The following GP6 variants were observed in gnomAD, a reference collection of about 807,000 sequenced individuals.
GP6 encodes platelet glycoprotein VI.
In GP6, 45 loss-of-function variants were observed where a neutral mutation model predicts 37.3. The ratio of observed to expected loss-of-function variants is 1.21; its 90% confidence interval spans 0.95 to 1.55. The LOEUF (loss-of-function observed/expected upper bound fraction) is 1.55, where lower values mean the gene tolerates loss of function less well. Ranked by LOEUF, GP6 falls within the 40% of genes most tolerant of loss-of-function variation. The pLI is 0.00. For missense variants in GP6, 813 were observed against 760.2 expected, an observed-to-expected ratio of 1.07 and a Z score of -0.82; for synonymous variants, 340 against 316.4, an observed-to-expected ratio of 1.07 and a Z score of -0.79.
At chr19:55,034,031 A>G (rs2074714145) in intron 1 of GP6, among the ~76,000 whole-genome samples, 1 of 152,060 alleles carries the variant, frequency 6.6e-6, no homozygotes, top group Non-Finnish European at 1.5e-5. Flanking sequence ...TCTGATTACT[A>G]TATGTATATA....
chr19:55,029,993 C>T (rs1203184632), intron 3 of GP6, among the ~76,000 whole-genome samples: 1 of 152,010 alleles, frequency 6.6e-6, no homozygotes, highest in Non-Finnish European at 1.5e-5. Flanking sequence ...GAGGCACTCT[C>T]CTGGGATGTA....
intron 6 of GP6, among the ~76,000 whole-genome samples, chr19:55,017,011 G>A (rs2146712607): frequency 6.6e-6 from 1 of 152,164 alleles, no homozygotes; most frequent in East Asian, 1.9e-4. Context: ...ATCACAGAGT[G>A]AGCAGAGTGA....
Position 55,014,092 on chromosome 19 carries a change from G to T in GP6, c.1853C>A (p.Thr618Asn). 1.5e-6 allele frequency: 1 copy of T among 660,772 alleles called. No homozygotes were observed. Among genetic ancestry groups the T allele is most frequent in the Non-Finnish European group, 2.8e-6 (1 of 358,602 alleles). The allele number at this position is 660,772 out of a possible 1,614,324, so 40.9% of individuals were successfully genotyped here. A position where few individuals can be genotyped will look rare whatever the true frequency, so the allele number is the denominator to read the frequency against. The change falls in exon 8 of 8, where the codon ACC becomes AAC. Residue 618 changes from threonine (T) to asparagine (N), a missense_variant. Thr to Asn is a moderately conservative substitution (Grantham distance 65). Coordinates refer to ENST00000310373, the MANE Select transcript of GP6 (RefSeq NM_001083899.2). ...TACAACGTGCTATGATCAAATCAGG[G>T]TAATTGACATATTCATCCCTGTATT... is the stretch of plus-strand genomic sequence containing the variant.
chr19:55,016,882 C>G (rs1355146246), intron 6 of GP6, among the ~76,000 whole-genome samples: 3 of 151,656 alleles, frequency 2.0e-5, no homozygotes, highest in Non-Finnish European at 4.4e-5. Context: ...ATGGTGAAAC[C>G]CCGTCTTTAC....
chr19:55,025,188 G>A, intron 5 of GP6, 30 bp downstream of exon 5: 1 of 1,310,402 alleles, frequency 7.6e-7, no homozygotes, highest in Non-Finnish European at 1.1e-6. Flanking sequence ...CTCATACGCT[G>A]TGCACCAGAA....
chr19:55,033,288 A>G (rs866794159), intron 1 of GP6, among the ~76,000 whole-genome samples: 10 of 34,134 alleles, frequency 2.9e-4, no homozygotes, highest in South Asian at 9.7e-4. Context: ...CGTGTTAGAC[A>G]CGGTGGACTC....
In GP6 at chr19:55,021,520, G is replaced by GGTTT. The variant is rs556854980; in HGVS notation, c.665-2810_665-2809insAAAC. The stretch of plus-strand genomic sequence containing the variant: ...ACCTGTTGTTTCTTGACTTTTGTTG[G>GGTTT]TTTTTTTTTTTTTTTTTTGAGATGG... On this transcript the variant is annotated intron_variant, in intron 5 of 7. Transcript: ENST00000310373. 1.1e-3 allele frequency among the ~76,000 whole-genome samples: 138 copies of GGTTT among 126,216 alleles called. 21 individuals carry two copies. Among genetic ancestry groups the GGTTT allele is most frequent in the African/African-American group, 1.2e-3 (40 of 33,862 alleles). 82.8% of individuals were successfully genotyped at this position (126,216 alleles called of 152,430 possible).
chr19:55,015,976 A>G (rs1045804267), intron 6 of GP6, among the ~76,000 whole-genome samples: 1 of 151,998 alleles, frequency 6.6e-6, no homozygotes, highest in Non-Finnish European at 1.5e-5. Flanking sequence ...TATCTCTACA[A>G]AAAAATACAA....
intron 5 of GP6, among the ~76,000 whole-genome samples, chr19:55,020,049 G>A (rs1290348770): frequency 6.6e-6 from 1 of 151,830 alleles, no homozygotes; most frequent in Non-Finnish European, 1.5e-5. Flanking sequence ...TGATAAATAC[G>A]AAGCTCTTGT....
intron 5 of GP6, among the ~76,000 whole-genome samples, chr19:55,020,161 T>C (rs2146741325): frequency 6.6e-6 from 1 of 151,802 alleles, no homozygotes; most frequent in South Asian, 2.1e-4. Context: ...GTGGGTATTA[T>C]TTGGTCTTTG....
chr19:55,025,477 G>T (rs981227151), intron 4 of GP6, among the ~76,000 whole-genome samples: 31 of 151,978 alleles, frequency 2.0e-4, no homozygotes, highest in African/African-American at 7.0e-4. Flanking sequence ...AGGCTGAGGA[G>T]GGCAGATCAC....
rs1654428 is a variant in GP6 at position 55,031,307 on chromosome 19, G to A, written c.325+832C>T. Among the ~76,000 whole-genome samples, 741 of 152,286 alleles carry A rather than the reference G, an allele frequency of 4.9e-3. 8 individuals are homozygous for A. Among genetic ancestry groups the A allele is most frequent in the African/African-American group, 0.017 (704 of 41,560 alleles). ...AATCCCGAGCCAAGCACGGTGGCCC[G>A]TGACCGTAGTCCCTGCTACTCATGA... is the stretch of plus-strand genomic sequence containing the variant. On this transcript the variant is annotated intron_variant, in intron 3 of 7. Coordinates refer to ENST00000310373, the MANE Select transcript of GP6 (RefSeq NM_001083899.2).
intron 1 of GP6, among the ~76,000 whole-genome samples, chr19:55,035,119 T>C (rs2074780191): frequency 6.6e-6 from 1 of 152,200 alleles, no homozygotes; most frequent in Non-Finnish European, 1.5e-5. Flanking sequence ...CCCACCATTA[T>C]CAGTCCCCTC....
chr19:55,014,871 C>T lies in GP6; in HGVS notation c.1074G>A (p.Gly358=). The T allele has an allele frequency of 6.2e-7, 1 of 1,614,072 alleles. No individual in the cohort carries two copies. The highest frequency in any genetic ancestry group is 8.5e-7 in the Non-Finnish European group (1 of 1,180,038). Residue 358 remains glycine, a synonymous_variant, in exon 8 of 8, where the codon GGG becomes GGA. Transcript: ENST00000310373. Reference sequence around the variant, plus strand: ...ACACACGCCAGTCTTTGAGTCGCCTCCCATGCCATGATCCCTCCCTTGGAT... The same window carrying T: ...ACACACGCCAGTCTTTGAGTCGCCTTCCATGCCATGATCCCTCCCTTGGAT...
chr19:55,020,553 T>C (rs960485911), intron 5 of GP6, among the ~76,000 whole-genome samples: 1 of 152,172 alleles, frequency 6.6e-6, no homozygotes, highest in African/African-American at 2.4e-5. Flanking sequence ...CATGATCTCA[T>C]TCCTTTTTAT....
At chr19:55,021,186 C>T (rs148392644) in intron 5 of GP6, among the ~76,000 whole-genome samples, 15 of 143,734 alleles carry the variant, frequency 1.0e-4, no homozygotes, top group Middle Eastern at 3.5e-3. Flanking sequence ...AGGTAAAACC[C>T]CATCTCTACT....
chr19:55,028,489 A>G (rs2074394707), intron 3 of GP6, among the ~76,000 whole-genome samples: 1 of 152,188 alleles, frequency 6.6e-6, no homozygotes, highest in South Asian at 2.1e-4. Flanking sequence ...CTAAGAGGGT[A>G]GATTATAAGT....
Position 55,032,379 on chromosome 19 carries a change from A to AGGGC in GP6, c.81_84dup (p.Ser29AlafsTer114). 1 of 1,613,230 alleles carries AGGGC rather than the reference A, an allele frequency of 6.2e-7. No individual in the cohort carries two copies. Among genetic ancestry groups the AGGGC allele is most frequent in the Non-Finnish European group, 8.5e-7 (1 of 1,179,586 alleles). On this transcript the variant is annotated frameshift_variant, in exon 3 of 8. Transcript: ENST00000310373. LOFTEE classifies it high-confidence loss of function. ...AGGGAGCTGGGCAGAGCCTGGAGGG[A>AGGGC]GGGCTTGGGGAGCGGTCCTGGAAGA...
chr19:55,032,503 C>T lies in GP6; in HGVS notation c.67+3G>A. 2.5e-6 allele frequency: 4 copies of T among 1,613,824 alleles called. No individual in the cohort carries two copies. The highest frequency in any genetic ancestry group is 3.4e-6 in the Non-Finnish European group (4 of 1,179,982). ...GAGGGAAGGGGTCTGGGGAAGGACT[C>T]ACCACTCTGCGCTGGCACACGCCCC... is the stretch of plus-strand genomic sequence containing the variant. On this transcript the variant is annotated splice_donor_region_variant and intron_variant, in intron 2 of 7. Transcript: ENST00000310373.
Sources: gnomAD v4.1 joint callset for allele counts (sites outside exome capture counted in the v4.1 genomes callset) on GRCh38, gnomAD v4.1.1 for gene constraint, MANE v1.5 for transcripts, NCBI Gene and HGNC (gene_info 2026-07-23, HGNC 2026-07-21) for gene names.